The following LYN variants were observed in gnomAD, a reference collection of about 807,000 sequenced individuals.
The protein encoded by LYN is LYN proto-oncogene, Src family tyrosine kinase.
Under a neutral mutation model 65.0 loss-of-function variants are expected in LYN, and 12 were observed. The ratio of observed to expected loss-of-function variants is 0.18; its 90% confidence interval spans 0.12 to 0.30. The LOEUF (loss-of-function observed/expected upper bound fraction) is 0.30. Among genes scored for constraint, LYN ranks in the 10% least tolerant of loss-of-function variants. LYN has a pLI of 1.00. For synonymous variants in LYN, 222 were observed against 221.2 expected (o/e 1.00, Z -0.03); for missense variants, 380 against 623.2 (o/e 0.61, Z 4.16).
At chr8:55,976,579 G>T (rs1198756075) in intron 10 of LYN, among the ~76,000 whole-genome samples, 2 of 152,296 alleles carry the variant, frequency 1.3e-5, no homozygotes, top group East Asian at 3.9e-4. Context: ...CAGGTGAGTT[G>T]CAGGCAAAGA....
chr8:55,940,666 G>C (rs971739606), intron 1 of LYN, among the ~76,000 whole-genome samples: 2 of 152,182 alleles, frequency 1.3e-5, no homozygotes, highest in African/African-American at 4.8e-5. Context: ...GAGCCACCGC[G>C]CCCGGCTGTT....
At chr8:55,956,414 G>C (rs538156958) in intron 8 of LYN, among the ~76,000 whole-genome samples, 32 of 152,276 alleles carry the variant, frequency 2.1e-4, no homozygotes, top group African/African-American at 7.5e-4. Context: ...CATAGTATTA[G>C]CCGGTCCTAT....
intron 12 of LYN, 131 bp downstream of exon 12, chr8:55,999,680 G>A (rs926331835): frequency 1.4e-5 from 14 of 968,234 alleles, no homozygotes; most frequent in Non-Finnish European, 1.9e-5. Context: ...GCCAGAACTT[G>A]ATTTTCACGG....
intron 2 of LYN, among the ~76,000 whole-genome samples, chr8:55,945,439 C>A (rs1806744605): frequency 6.6e-6 from 1 of 152,168 alleles, no homozygotes; most frequent in African/African-American, 2.4e-5. Context: ...ATGGGTTTTT[C>A]TGGTACTACA....
At chr8:55,907,798 C>G (rs548391134) in intron 1 of LYN, among the ~76,000 whole-genome samples, 15 of 151,864 alleles carry the variant, frequency 9.9e-5, no homozygotes, top group Non-Finnish European at 1.9e-4. Context: ...CCTGGGAGGT[C>G]GAGGCTGCAG....
rs1265803756 is a variant in LYN at position 56,010,620 on chromosome 8, T to A, written c.*510T>A. On this transcript the variant is annotated 3_prime_UTR_variant, in exon 13 of 13. Transcript: ENST00000519728. Reference sequence around the variant, plus strand: ...AACCTGTTAGATTTTGCAGGTGAAGTCAGCAGCTTAAAAATGTCTTTCCCA... The same window carrying A: ...AACCTGTTAGATTTTGCAGGTGAAGACAGCAGCTTAAAAATGTCTTTCCCA... 2.6e-5 allele frequency: 6 copies of A among 233,082 alleles called. No individual in the cohort carries two copies. The highest frequency in any genetic ancestry group is 4.2e-5 in the Non-Finnish European group (5 of 117,734). The allele number at this position is 233,082 out of a possible 1,614,324, so 14.4% of individuals were successfully genotyped here. A position where few individuals can be genotyped will look rare whatever the true frequency, so the allele number is the denominator to read the frequency against.
chr8:55,894,270 GGCTCCTGCA>G (rs1459345557), intron 1 of LYN, among the ~76,000 whole-genome samples: 1 of 151,848 alleles, frequency 6.6e-6, no homozygotes, highest in Non-Finnish European at 1.5e-5. Flanking sequence ...GCATGGTCAT[GGCTCCTGCA>G]GCCTCCACCT....
At chr8:55,989,280 A>C (rs951353075) in intron 10 of LYN, among the ~76,000 whole-genome samples, 1 of 152,270 alleles carries the variant, frequency 6.6e-6, no homozygotes, top group East Asian at 1.9e-4. Context: ...GCTACTAAGC[A>C]GGGGCATTAT....
intron 1 of LYN, among the ~76,000 whole-genome samples, chr8:55,906,248 G>T (rs1314554215): frequency 1.3e-5 from 2 of 152,180 alleles, no homozygotes; most frequent in Non-Finnish European, 1.5e-5. Context: ...AAATAAGTGG[G>T]CCAGGCACAG....
intron 1 of LYN, 38 bp downstream of exon 1, chr8:55,880,141 ACGCGGGCAGTGGGTGCAGGGGC>A (rs1804607923): frequency 1.3e-5 from 3 of 232,982 alleles, no homozygotes; most frequent in Non-Finnish European, 2.6e-5. Context: ...GGGCGCGGGC[ACGCGGGCAGTGGGTGCAGGGGC>A]CGCGGCTGTG....
intron 1 of LYN, among the ~76,000 whole-genome samples, chr8:55,925,823 A>T (rs1209641257): frequency 6.6e-6 from 1 of 152,216 alleles, no homozygotes; most frequent in Non-Finnish European, 1.5e-5. Context: ...TATTTTTATA[A>T]AAGTAAATCA....
intron 4 of LYN, 55 bp from the exon 5 acceptor site, chr8:55,950,404 C>G (rs570703899): frequency 1.8e-6 from 2 of 1,085,432 alleles, no homozygotes; most frequent in Non-Finnish European, 2.7e-6. Context: ...TATTTTGATA[C>G]ATGCATGGAG....
intron 4 of LYN, among the ~76,000 whole-genome samples, chr8:55,949,844 T>G (rs532448888): frequency 2.6e-5 from 4 of 152,174 alleles, no homozygotes; most frequent in Non-Finnish European, 5.9e-5. Flanking sequence ...GTCACAGAAT[T>G]GTGCAATCAT....
chr8:55,894,210 T>G (rs1043279607), intron 1 of LYN: 18 of 152,870 alleles, frequency 1.2e-4, no homozygotes, highest in African/African-American at 4.3e-4. Context: ...TTTTTACTTT[T>G]TATTATTTTA....
intron 1 of LYN, among the ~76,000 whole-genome samples, chr8:55,893,215 T>A (rs1805003252): frequency 1.3e-5 from 2 of 152,226 alleles, no homozygotes; most frequent in African/African-American, 2.4e-5. Context: ...GAGCCTTATT[T>A]AAATACCTTT....
intron 12 of LYN, among the ~76,000 whole-genome samples, chr8:56,006,021 G>A (rs1229916624): frequency 6.6e-6 from 1 of 152,062 alleles, no homozygotes; most frequent in Non-Finnish European, 1.5e-5. Context: ...GGAGTTTGAG[G>A]CTGCAGTGAG....
At chr8:55,951,731 A>G (rs1203597640) in intron 6 of LYN, among the ~76,000 whole-genome samples, 1 of 152,062 alleles carries the variant, frequency 6.6e-6, no homozygotes, top group Non-Finnish European at 1.5e-5. Flanking sequence ...ATAATTTTAA[A>G]AAAATTATCA....
chr8:56,005,531 G>T (rs1371967897), intron 12 of LYN, among the ~76,000 whole-genome samples: 4 of 152,200 alleles, frequency 2.6e-5, no homozygotes, highest in African/African-American at 9.6e-5. Flanking sequence ...GGGCCGCCTT[G>T]CCCGTTGTCA....
chr8:55,944,648 T>C (rs550941049), intron 2 of LYN, among the ~76,000 whole-genome samples: 13 of 152,134 alleles, frequency 8.5e-5, no homozygotes, highest in Non-Finnish European at 1.9e-4. Context: ...GCCTGGCTAA[T>C]TTTTGTATTT....
Sources: allele counts gnomAD v4.1 joint callset (sites outside exome capture counted in the v4.1 genomes callset), GRCh38; gene constraint gnomAD v4.1.1; transcripts MANE v1.5; gene names NCBI Gene and HGNC (gene_info 2026-07-23, HGNC 2026-07-21).